The following VCAN variants were observed in gnomAD, a reference collection of about 807,000 sequenced individuals.
VCAN encodes versican core protein.
A neutral mutation model predicts 245.5 loss-of-function variants in VCAN; 44 were observed. The ratio of observed to expected loss-of-function variants is 0.18; its 90% CI spans 0.14 to 0.23. VCAN has a LOEUF of 0.23. VCAN is among the 10% of genes least tolerant of loss of function. The pLI is 1.00. For missense variants in VCAN, 3,793 were observed against 4,057.9 expected, an observed-to-expected ratio of 0.93 and a Z score of 1.77; for synonymous variants, 1,413 against 1,437.0, an observed-to-expected ratio of 0.98 and a Z score of 0.38.
chr5:83,486,490 G>A (rs538756256), intron 2 of VCAN, among the ~76,000 whole-genome samples: 3 of 152,194 alleles, frequency 2.0e-5, no homozygotes, highest in African/African-American at 7.2e-5. Context: ...AGGTGAAGGT[G>A]AAGGTCACAG....
intron 1 of VCAN, among the ~76,000 whole-genome samples, chr5:83,479,597 T>A (rs1377723271): frequency 1.3e-5 from 2 of 152,108 alleles, no homozygotes; most frequent in Non-Finnish European, 2.9e-5. Context: ...TAGTAGACGG[T>A]GCTTATAAGA....
At chr5:83,494,367 T>C (rs1580606061) in intron 5 of VCAN, among the ~76,000 whole-genome samples, 1 of 152,342 alleles carries the variant, frequency 6.6e-6, no homozygotes, top group Admixed American at 6.5e-5. Flanking sequence ...TTTTCAAGTT[T>C]GACTTCCTGT....
intron 12 of VCAN, among the ~76,000 whole-genome samples, chr5:83,567,173 G>A (rs1386189970): frequency 6.6e-6 from 1 of 151,984 alleles, no homozygotes; most frequent in South Asian, 2.1e-4. Context: ...TAAAAATAAA[G>A]CAATTTTATC....
rs372244245 is a variant in VCAN at position 83,537,010 on chromosome 5, G to A, written c.4007G>A (p.Arg1336Gln). ...GTGAAAACTCTGTTTTTTTCAGGTC[G>A]AATGAGTGATTTGAGTGTAATTGGT... ...IIEVRENKTG[R>Q]MSDLSVIGHP... The change falls in exon 8 of 15, where the codon CGA (arginine) becomes CAA (glutamine). Residue 1336 changes from arginine (R) to glutamine (Q), a missense_variant. By Grantham distance (43) the Arg-to-Gln change is conservative (BLOSUM62 1). Coordinates refer to ENST00000265077, the MANE Select transcript of VCAN (RefSeq NM_004385.5). 167 of 1,583,662 alleles carry A rather than the reference G, an allele frequency of 1.1e-4. 1 individual carries two copies. Among genetic ancestry groups the A allele is most frequent in the East Asian group, 5.2e-4 (23 of 44,548 alleles).
intron 3 of VCAN, among the ~76,000 whole-genome samples, chr5:83,491,857 GA>G (rs1389155015): frequency 1.3e-5 from 2 of 152,176 alleles, no homozygotes; most frequent in Non-Finnish European, 2.9e-5. Context: ...TAATTACCAA[GA>G]AGACTATTTG....
intron 1 of VCAN, among the ~76,000 whole-genome samples, chr5:83,474,326 G>C (rs893495942): frequency 2.0e-5 from 3 of 152,174 alleles, no homozygotes; most frequent in Non-Finnish European, 4.4e-5. Flanking sequence ...CAAACAGCCA[G>C]GAACGGACCG....
At chr5:83,489,125 T>A (rs1744884658) in intron 2 of VCAN, among the ~76,000 whole-genome samples, 1 of 152,192 alleles carries the variant, frequency 6.6e-6, no homozygotes, top group Non-Finnish European at 1.5e-5. Flanking sequence ...ATTTTGTTGG[T>A]TAAAAAATCA....
intron 8 of VCAN, among the ~76,000 whole-genome samples, chr5:83,543,900 A>C (rs1747098456): frequency 6.6e-6 from 1 of 152,220 alleles, no homozygotes; most frequent in Non-Finnish European, 1.5e-5. Flanking sequence ...GGTTAATACG[A>C]ACTGTTTAGG....
chr5:83,527,117 A>G (rs934247888), intron 7 of VCAN, among the ~76,000 whole-genome samples: 1 of 152,214 alleles, frequency 6.6e-6, no homozygotes, highest in African/African-American at 2.4e-5. Context: ...CTGAAAGAGC[A>G]AACTCTGGGA....
intron 10 of VCAN, among the ~76,000 whole-genome samples, chr5:83,548,785 G>A (rs1747339874): frequency 6.6e-6 from 1 of 152,196 alleles, no homozygotes; most frequent in African/African-American, 2.4e-5. Context: ...AACTCGTACA[G>A]TGGTTTGGCT....
intron 7 of VCAN, among the ~76,000 whole-genome samples, chr5:83,523,363 T>C (rs577630538): frequency 6.6e-6 from 1 of 152,198 alleles, no homozygotes; most frequent in South Asian, 2.1e-4. Context: ...TGAATGAGTA[T>C]TCGTTGTTTT....
At chr5:83,532,375 A>T (rs1025264474) in intron 7 of VCAN, among the ~76,000 whole-genome samples, 1 of 152,056 alleles carries the variant, frequency 6.6e-6, no homozygotes, top group Non-Finnish European at 1.5e-5. Flanking sequence ...GCAGGGAAAA[A>T]TTTATCTGCA....
At chr5:83,484,620 C>G (rs994161080) in intron 2 of VCAN, among the ~76,000 whole-genome samples, 1 of 151,880 alleles carries the variant, frequency 6.6e-6, no homozygotes, top group African/African-American at 2.4e-5. Flanking sequence ...TTTTGAATAC[C>G]TTCTTTGTGC....
Position 83,541,930 on chromosome 5 carries a change from A to G in VCAN, c.8927A>G (p.His2976Arg), listed in dbSNP as rs762057459. Reference sequence around the variant, plus strand: ...TTAGAAGGTGCTACACAGTGGCCACACTCTACTTCTGCTTCTGCCACCTAT... The same window carrying G: ...TTAGAAGGTGCTACACAGTGGCCACGCTCTACTTCTGCTTCTGCCACCTAT... The part of the protein sequence containing the change: ...IELEGATQWP[H>R]STSASATYGV... The change falls in exon 8 of 15, where the codon CAC becomes CGC. Residue 2976 changes from histidine to arginine, a missense_variant. His to Arg is a conservative substitution (Grantham distance 29, BLOSUM62 0). Transcript: ENST00000265077. 3 of 1,614,014 alleles carry G rather than the reference A, an allele frequency of 1.9e-6. No homozygotes were observed. Among genetic ancestry groups the G allele is most frequent in the African/African-American group, 1.3e-5 (1 of 75,022 alleles).
At chr5:83,557,346 A>G (rs147312700) in intron 12 of VCAN, among the ~76,000 whole-genome samples, 16 of 152,222 alleles carry the variant, frequency 1.1e-4, no homozygotes, top group Non-Finnish European at 1.9e-4. Flanking sequence ...ACCTCTTCAA[A>G]GAAGTAATTC....
Position 83,519,498 on chromosome 5 carries a change from G to T in VCAN, c.1192G>T (p.Val398Leu). The change falls in exon 7 of 15, where the codon GTG becomes TTG. Residue 398 changes from valine (V) to leucine (L), a missense_variant. Val to Leu is a conservative substitution (Grantham distance 32). Transcript: ENST00000265077. The stretch of plus-strand genomic sequence containing the variant: ...TGTCATTCCAACAGAGTTCCCTCCC[G>T]TGGGAAATATTGTCAGTTTTGAACA... ...LPVIPTEFPP[V>L]GNIVSFEQKA... 2 of 1,614,022 alleles carry T rather than the reference G, an allele frequency of 1.2e-6. No individual in the cohort carries two copies. Among genetic ancestry groups the T allele is most frequent in the South Asian group, 1.1e-5 (1 of 91,076 alleles).
chr5:83,542,265 C>A lies in VCAN; in HGVS notation c.9262C>A (p.Pro3088Thr). The A allele has an allele frequency of 6.2e-7, 1 of 1,611,986 alleles. No individual in the cohort carries two copies. The highest frequency in any genetic ancestry group is 1.3e-5 in the African/African-American group (1 of 75,014). Residue 3088 changes from proline (P) to threonine (T), a missense_variant, in exon 8 of 15, where the codon CCA becomes ACA. Physicochemically the swap from Pro to Thr is conservative, Grantham distance 38 (BLOSUM62 -1). Around this residue, in one of 5 missense-constraint regions of VCAN, gnomAD observed 3,182 missense variants for 3,250.3 expected, o/e 0.98. Coordinates refer to ENST00000265077, the MANE Select transcript of VCAN (RefSeq NM_004385.5). ...ESVEGTAIYL[P>T]GPDRCKMNPC... ...AGTGGAAGGCACGGCAATCTATTTA[C>A]CAGGTAAGATCACAACATTGATAAA...
rs1275374365 is a variant in VCAN, at chr5:83,546,229, C to G, written c.9379+579C>G. On this transcript the variant is annotated intron_variant, in intron 9 of 14. Coordinates refer to ENST00000265077, the MANE Select transcript of VCAN (RefSeq NM_004385.5). ...CACTCCCATATTCTTATTTAGGCAT[C>G]CTTCTCTTTAAAGAAAAAAAAAAAG... Among the ~76,000 whole-genome samples, 16 of 146,290 alleles carry G rather than the reference C, an allele frequency of 1.1e-4. 1 individual carries two copies. Among genetic ancestry groups the G allele is most frequent in the Admixed American group, 1.1e-3 (16 of 15,044 alleles).
intron 11 of VCAN, 86 bp downstream of exon 11, chr5:83,553,608 G>C (rs1747555906): frequency 6.4e-7 from 1 of 1,562,982 alleles, no homozygotes; most frequent in Non-Finnish European, 8.8e-7. Flanking sequence ...AAAAGAAGTA[G>C]CTTTTTCAAT....
Sources: gnomAD v4.1 joint callset for allele counts (sites outside exome capture counted in the v4.1 genomes callset) on GRCh38, gnomAD v4.1.1 for gene constraint, gnomAD v4.1.1 regional missense constraint, MANE v1.5 for transcripts, NCBI Gene and HGNC (gene_info 2026-07-23, HGNC 2026-07-21) for gene names.